PRKCQ: variants seen among roughly 807,000 people sequenced by gnomAD.
PRKCQ encodes the protein protein kinase C theta type.
PRKCQ carries 41 observed loss-of-function variants against 91.2 expected under a neutral mutation model. That is an observed-to-expected ratio of 0.45 (90% CI 0.35 to 0.58). The LOEUF is 0.58. PRKCQ is among the 20% of genes least tolerant of loss of function. The pLI, the probability that PRKCQ is intolerant of heterozygous loss-of-function variation, is 0.00. For synonymous variants in PRKCQ, 307 were observed against 316.9 expected, an observed-to-expected ratio of 0.97 and a Z score of 0.33; for missense variants, 673 against 896.5, an observed-to-expected ratio of 0.75 and a Z score of 3.18.
intron 12 of PRKCQ, among the ~76,000 whole-genome samples, chr10:6,472,011 A>T (rs1025929923): frequency 6.6e-6 from 1 of 152,042 alleles, no homozygotes; most frequent in Non-Finnish European, 1.5e-5. Context: ...GTGAGCTTAA[A>T]AAGTGGGCGT....
At chr10:6,559,362 T>C (rs186650814) in intron 1 of PRKCQ, among the ~76,000 whole-genome samples, 2 of 152,022 alleles carry the variant, frequency 1.3e-5, no homozygotes, top group East Asian at 3.9e-4. Context: ...AGTGACTCCT[T>C]TGTAATTTTT....
chr10:6,521,555 C>A (rs963109588), intron 1 of PRKCQ, among the ~76,000 whole-genome samples: 1 of 152,300 alleles, frequency 6.6e-6, no homozygotes, highest in African/African-American at 2.4e-5. Flanking sequence ...ATGGGGCTGG[C>A]TCAAAGTAAA....
intron 15 of PRKCQ, 34 bp downstream of exon 15, chr10:6,456,640 G>A: frequency 6.2e-7 from 1 of 1,611,740 alleles, no homozygotes; most frequent in African/African-American, 1.3e-5. Context: ...CCAGGGCATG[G>A]TGAGGTGGGA....
intron 1 of PRKCQ, among the ~76,000 whole-genome samples, chr10:6,554,305 G>A (rs776459188): frequency 1.3e-5 from 2 of 152,214 alleles, no homozygotes; most frequent in Non-Finnish European, 2.9e-5. Context: ...TCCAGCAGTA[G>A]TTTCAGGAGA....
chr10:6,548,663 C>G (rs1041456627), intron 1 of PRKCQ, among the ~76,000 whole-genome samples: 1 of 140,870 alleles, frequency 7.1e-6, no homozygotes, highest in African/African-American at 2.7e-5. Context: ...TGTTCTCACT[C>G]ATAGGTGGGA....
At chr10:6,405,501 G>A in the PRKCQ span, among the ~76,000 whole-genome samples, 6 of 152,120 alleles carry the variant, frequency 3.9e-5, no homozygotes, top group South Asian at 2.1e-4. Context: ...AATAACTTAC[G>A]TGTTTATTAC....
At chr10:6,414,101 G>A in the PRKCQ span, among the ~76,000 whole-genome samples, 1 of 152,168 alleles carries the variant, frequency 6.6e-6, no homozygotes, top group Non-Finnish European at 1.5e-5. Context: ...AAATGCGTGG[G>A]GAACTCAAGG....
At chr10:6,404,613 T>C in the PRKCQ span, among the ~76,000 whole-genome samples, 7 of 149,178 alleles carry the variant, frequency 4.7e-5, no homozygotes, top group African/African-American at 1.5e-4. Flanking sequence ...CTTTCTCTCT[T>C]TCTTTCTCTC....
At chr10:6,555,442 G>A (rs1840373549) in intron 1 of PRKCQ, among the ~76,000 whole-genome samples, 1 of 152,066 alleles carries the variant, frequency 6.6e-6, no homozygotes, top group African/African-American at 2.4e-5. Context: ...TCAGACAACA[G>A]ACATTCAGTG....
intron 9 of PRKCQ, among the ~76,000 whole-genome samples, chr10:6,485,777 A>C (rs1207371268): frequency 2.6e-5 from 4 of 152,258 alleles, no homozygotes; most frequent in African/African-American, 7.2e-5. Flanking sequence ...AATAACTTTA[A>C]TGAATTTATT....
intron 1 of PRKCQ, among the ~76,000 whole-genome samples, chr10:6,555,417 G>A (rs1355478218): frequency 6.6e-6 from 1 of 152,132 alleles, no homozygotes; most frequent in Non-Finnish European, 1.5e-5. Context: ...ACAAACTACT[G>A]TGGGAACTTC....
intron 15 of PRKCQ, among the ~76,000 whole-genome samples, chr10:6,447,128 G>A (rs1373159942): frequency 1.3e-5 from 2 of 152,144 alleles, no homozygotes; most frequent in Admixed American, 6.5e-5. Context: ...GATGTTTCCG[G>A]CTGGGCGCAG....
intron 15 of PRKCQ, among the ~76,000 whole-genome samples, chr10:6,451,948 T>G (rs1834713092): frequency 6.6e-6 from 1 of 152,172 alleles, no homozygotes; most frequent in African/African-American, 2.4e-5. Flanking sequence ...GAGCTATCTA[T>G]GACAAACCCA....
At chr10:6,543,066 G>A (rs1181125079) in intron 1 of PRKCQ, among the ~76,000 whole-genome samples, 1 of 152,180 alleles carries the variant, frequency 6.6e-6, no homozygotes, top group Non-Finnish European at 1.5e-5. Context: ...TATTTTGGTG[G>A]AGCCCTGAGG....
intron 7 of PRKCQ, among the ~76,000 whole-genome samples, chr10:6,496,474 A>C (rs1198075485): frequency 2.0e-5 from 3 of 152,076 alleles, no homozygotes; most frequent in Non-Finnish European, 4.4e-5. Context: ...ATGTTGCTGT[A>C]TCTTATCATC....
chr10:6,394,607 G>T, the PRKCQ span, among the ~76,000 whole-genome samples: 1 of 151,992 alleles, frequency 6.6e-6, no homozygotes, highest in Admixed American at 6.6e-5. Flanking sequence ...TCTCAGATAC[G>T]TGTTGTAAAT....
At chr10:6,442,166 G>T in intron 15 of PRKCQ, 85 bp from the exon 16 acceptor site, 2 of 1,324,972 alleles carry the variant, frequency 1.5e-6, no homozygotes, top group Non-Finnish European at 2.1e-6. Flanking sequence ...AGGCCACTCA[G>T]TAAATGGTCG....
At chr10:6,467,557 G>C (rs1046426562) in intron 12 of PRKCQ, among the ~76,000 whole-genome samples, 5 of 152,034 alleles carry the variant, frequency 3.3e-5, no homozygotes. Flanking sequence ...GATTCTTTCC[G>C]GTGGGTGAGA....
chr10:6,532,938 A>AT (rs1164689867), intron 1 of PRKCQ, among the ~76,000 whole-genome samples: 2 of 152,024 alleles, frequency 1.3e-5, no homozygotes, highest in Admixed American at 6.6e-5. Context: ...CTAATTTTCT[A>AT]TTTTTTTCAT....
Sources: gnomAD v4.1 joint callset for allele counts (sites outside exome capture counted in the v4.1 genomes callset) on GRCh38, gnomAD v4.1.1 for gene constraint, MANE v1.5 for transcripts, NCBI Gene and HGNC (gene_info 2026-07-23, HGNC 2026-07-21) for gene names.